NELL1: variants seen among roughly 807,000 people sequenced by gnomAD.
NELL1 encodes protein kinase C-binding protein NELL1.
NELL1 carries 76 observed loss-of-function variants against 107.4 expected under a neutral mutation model. That is an observed-to-expected ratio of 0.71 (90% CI 0.59 to 0.86). The LOEUF (loss-of-function observed/expected upper bound fraction) is 0.86, where lower values mean the gene tolerates loss of function less well. Ranked by LOEUF, NELL1 falls within the 40% of genes least tolerant of loss-of-function variation. NELL1 has a pLI of 0.00. For synonymous variants in NELL1, 353 were observed against 341.2 expected (o/e 1.03, Z -0.38); for missense variants, 1,024 against 1,005.5 (o/e 1.02, Z -0.25).
At chr11:21,031,976 C>G (rs899236586) in intron 12 of NELL1, among the ~76,000 whole-genome samples, 3 of 151,292 alleles carry the variant, frequency 2.0e-5, no homozygotes, top group Non-Finnish European at 2.9e-5. Context: ...ACCTGGGAGG[C>G]GGAGGTTGCA....
intron 14 of NELL1, among the ~76,000 whole-genome samples, chr11:21,319,336 C>G (rs1036901311): frequency 6.6e-6 from 1 of 151,190 alleles, no homozygotes; most frequent in Admixed American, 6.6e-5. Context: ...CCACTATGCA[C>G]GGCTAATTTT....
intron 7 of NELL1, among the ~76,000 whole-genome samples, chr11:20,924,644 G>T (rs1850451915): frequency 6.6e-6 from 1 of 152,114 alleles, no homozygotes; most frequent in Admixed American, 6.5e-5. Flanking sequence ...CCTTCTTGGA[G>T]TGATATAGAC....
At chr11:20,830,854 A>G (rs1464333848) in intron 3 of NELL1, among the ~76,000 whole-genome samples, 1 of 152,150 alleles carries the variant, frequency 6.6e-6, no homozygotes, top group East Asian at 1.9e-4. Context: ...AAAGGCACCC[A>G]TTCATTTATG....
At chr11:21,463,133 G>A (rs1853941889) in intron 15 of NELL1, among the ~76,000 whole-genome samples, 1 of 151,932 alleles carries the variant, frequency 6.6e-6, no homozygotes. Context: ...TCTGAGTTAT[G>A]GTGTCTCTAT....
At chr11:20,882,243 C>A (rs898918652) in intron 4 of NELL1, among the ~76,000 whole-genome samples, 10 of 152,152 alleles carry the variant, frequency 6.6e-5, no homozygotes, top group Non-Finnish European at 1.0e-4. Context: ...TAGTCTGTGC[C>A]GTGCACATTT....
At chr11:20,981,827 A>G (rs982802705) in intron 12 of NELL1, among the ~76,000 whole-genome samples, 2 of 152,194 alleles carry the variant, frequency 1.3e-5, no homozygotes, top group Non-Finnish European at 2.9e-5. Flanking sequence ...CAAATTCAAC[A>G]TGGCTTAAGC....
At chr11:21,329,125 T>C (rs1033331366) in intron 14 of NELL1, among the ~76,000 whole-genome samples, 4 of 152,134 alleles carry the variant, frequency 2.6e-5, no homozygotes, top group African/African-American at 9.7e-5. Context: ...ATGATATGGT[T>C]CATCTGTATC....
At chr11:21,546,537 C>G (rs766498443) in intron 16 of NELL1, among the ~76,000 whole-genome samples, 2 of 151,908 alleles carry the variant, frequency 1.3e-5, no homozygotes, top group Non-Finnish European at 2.9e-5. Flanking sequence ...CCCTGCTACT[C>G]TCATAATATA....
At chr11:20,721,412 C>G (rs1320204765) in intron 2 of NELL1, among the ~76,000 whole-genome samples, 1 of 151,910 alleles carries the variant, frequency 6.6e-6, no homozygotes, top group Non-Finnish European at 1.5e-5. Flanking sequence ...TCATGAATTG[C>G]CTACCTTTCT....
chr11:21,229,500 TGG>T (rs765151245), intron 14 of NELL1, 46 bp downstream of exon 14: 2 of 1,610,840 alleles, frequency 1.2e-6, no homozygotes, highest in Non-Finnish European at 1.7e-6. Flanking sequence ...CCATTCTGCC[TGG>T]GCTCTTGGCA....
At chr11:20,866,241 C>G (rs1051475421) in intron 4 of NELL1, among the ~76,000 whole-genome samples, 1 of 152,186 alleles carries the variant, frequency 6.6e-6, no homozygotes, top group African/African-American at 2.4e-5. Context: ...TCCTCACCTG[C>G]TCCTCAGCAC....
intron 13 of NELL1, among the ~76,000 whole-genome samples, chr11:21,179,755 C>G (rs1856788331): frequency 6.6e-6 from 1 of 150,704 alleles, no homozygotes; most frequent in Admixed American, 6.6e-5. Flanking sequence ...CTTCCTGGAG[C>G]TACATTTTGC....
At chr11:21,084,845 G>C (rs1854351662) in intron 12 of NELL1, among the ~76,000 whole-genome samples, 2 of 152,102 alleles carry the variant, frequency 1.3e-5, no homozygotes, top group African/African-American at 4.8e-5. Flanking sequence ...ACACTGTCCA[G>C]GATTTTCCTT....
chr11:21,547,001 A>G (rs1019398761), intron 16 of NELL1, among the ~76,000 whole-genome samples: 3 of 151,986 alleles, frequency 2.0e-5, no homozygotes, highest in African/African-American at 7.2e-5. Flanking sequence ...TCTTAGGCAT[A>G]CAGAGAGGAA....
chr11:21,302,794 G>A (rs1294334097), intron 14 of NELL1, among the ~76,000 whole-genome samples: 1 of 151,846 alleles, frequency 6.6e-6, no homozygotes, highest in East Asian at 1.9e-4. Context: ...AGTGATTCAT[G>A]CCTGGAATTT....
chr11:21,306,954 T>C (rs1338870503), intron 14 of NELL1, among the ~76,000 whole-genome samples: 3 of 152,070 alleles, frequency 2.0e-5, no homozygotes, highest in Non-Finnish European at 4.4e-5. Context: ...CCTCATGCCA[T>C]TAATTGGAAT....
intron 2 of NELL1, among the ~76,000 whole-genome samples, chr11:20,759,731 G>A (rs541250060): frequency 1.0e-3 from 157 of 152,288 alleles, no homozygotes; most frequent in African/African-American, 3.7e-3. Flanking sequence ...CCAGGGTGCT[G>A]CGCCTGATTG....
intron 15 of NELL1, among the ~76,000 whole-genome samples, chr11:21,499,078 C>A (rs1855067399): frequency 6.6e-6 from 1 of 151,936 alleles, no homozygotes; most frequent in Non-Finnish European, 1.5e-5. Flanking sequence ...GTTTGTTACA[C>A]TATTAATGCT....
At chr11:21,131,544 T>A (rs1463232261) in intron 13 of NELL1, among the ~76,000 whole-genome samples, 1 of 152,166 alleles carries the variant, frequency 6.6e-6, no homozygotes, top group African/African-American at 2.4e-5. Context: ...AGTGCTGACG[T>A]CTTTGAAGCC....
Sources: gnomAD v4.1 joint callset for allele counts (sites outside exome capture counted in the v4.1 genomes callset) on GRCh38, gnomAD v4.1.1 for gene constraint, MANE v1.5 for transcripts, NCBI Gene and HGNC (gene_info 2026-07-23, HGNC 2026-07-21) for gene names.